ITGB4: variants seen among roughly 807,000 people sequenced by gnomAD.
ITGB4 encodes the protein integrin subunit beta 4, also known as integrin beta-4.
ITGB4 carries 159 observed loss-of-function variants against 207.6 expected under a neutral mutation model. That is an observed-to-expected ratio of 0.77 (90% CI 0.67 to 0.87). The LOEUF is 0.87. Ranked by LOEUF, ITGB4 falls within the 40% of genes least tolerant of loss-of-function variation. The pLI is 0.00. For synonymous variants in ITGB4, 1,020 were observed against 1,062.7 expected (o/e 0.96, Z 0.78); for missense variants, 2,278 against 2,546.8 (o/e 0.89, Z 2.27).
Position 75,733,693 on chromosome 17 carries a change from G to T in ITGB4, c.1657+1G>T. ...CGCACTTCCGGGTTCCTCTGCAATGGTGAGCACAACAACTGCGGCCAATGC... is the reference window on the plus strand; with the variant it reads ...CGCACTTCCGGGTTCCTCTGCAATGTTGAGCACAACAACTGCGGCCAATGC... On this transcript the variant is annotated splice_donor_variant, in intron 13 of 39. Coordinates refer to ENST00000200181, the MANE Select transcript of ITGB4 (RefSeq NM_000213.5). LOFTEE classifies it high-confidence loss of function. The T allele has an allele frequency of 6.2e-7, 1 of 1,613,866 alleles. No homozygotes were observed. Among genetic ancestry groups the T allele is most frequent in the Non-Finnish European group, 8.5e-7 (1 of 1,179,988 alleles).
rs1412461835 is a variant in ITGB4 at position 75,740,802 on chromosome 17, G to T, written c.2560G>T (p.Val854Phe). Reference sequence around the variant, plus strand: ...CTCCCTTGCCTGGCAGCTGAACGAGGTCTACAGGCAGATCTCCGGTGTACA... The same window carrying T: ...CTCCCTTGCCTGGCAGCTGAACGAGTTCTACAGGCAGATCTCCGGTGTACA... ...RQEVEENLNE[V>F]YRQISGVHKL... Residue 854 changes from valine to phenylalanine, a missense_variant, in exon 22 of 40, where the codon GTC becomes TTC. Physicochemically the swap from Val to Phe is conservative, Grantham distance 50. Transcript: ENST00000200181. This position sits in a 1 kb window ranked among gnomAD's most constrained non-coding sequence, Gnocchi z 5.9. The T allele has an allele frequency of 1.9e-6, 3 of 1,613,296 alleles. No individual in the cohort carries two copies. The highest frequency in any genetic ancestry group is 2.5e-6 in the Non-Finnish European group (3 of 1,179,976).
intron 27 of ITGB4, among the ~76,000 whole-genome samples, chr17:75,749,295 A>T (rs903278374): frequency 1.3e-5 from 2 of 152,190 alleles, no homozygotes; most frequent in African/African-American, 4.8e-5. Flanking sequence ...TGGGAGGCCA[A>T]GGTGGGAGGA....
chr17:75,744,088 C>T (rs1018019027), intron 26 of ITGB4, among the ~76,000 whole-genome samples: 3 of 150,838 alleles, frequency 2.0e-5, no homozygotes, highest in Admixed American at 2.0e-4. Flanking sequence ...CCATTGCTGC[C>T]AGGGACTCAG....
rs764990936 is a variant in ITGB4 at position 75,754,745 on chromosome 17, C to G, written c.4488C>G (p.Thr1496=). Residue 1496 remains threonine (T), a synonymous_variant, in exon 34 of 40, where the codon ACC becomes ACG. Coordinates refer to ENST00000200181, the MANE Select transcript of ITGB4 (RefSeq NM_000213.5). ...TCACACGGGACTACAACTCACTGACCCGCTCAGAACACTCACACTCGACCA... is the reference window on the plus strand; with the variant it reads ...TCACACGGGACTACAACTCACTGACGCGCTCAGAACACTCACACTCGACCA... ...STLTRDYNSL[T]RSEHSHSTTL... is the part of the protein sequence containing the mutation. 44 of 1,612,572 alleles carry G rather than the reference C, an allele frequency of 2.7e-5. No individual in the cohort carries two copies. The highest frequency in any genetic ancestry group is 3.3e-5 in the Admixed American group (2 of 59,850).
rs1187070458 is a variant in ITGB4, at chr17:75,722,870, G to T, written c.-11+1258G>T. On this transcript the variant is annotated intron_variant, in intron 1 of 39. Transcript: ENST00000200181. This position sits in a 1 kb window ranked among gnomAD's most constrained non-coding sequence, Gnocchi z 6.2. ...AGTCACACACTCCAGGGACCTGCTG[G>T]TACATAAAGTCGGGGCAGCCTGGTG... 6.6e-6 allele frequency among the ~76,000 whole-genome samples: 1 copy of T among 151,936 alleles called. No individual in the cohort carries two copies. Among genetic ancestry groups the T allele is most frequent in the African/African-American group, 2.4e-5 (1 of 41,370 alleles).
chr17:75,752,949 C>T (rs1246118304), intron 32 of ITGB4, among the ~76,000 whole-genome samples: 1 of 152,178 alleles, frequency 6.6e-6, no homozygotes, highest in Non-Finnish European at 1.5e-5. Flanking sequence ...GTAGGGGAGC[C>T]AAGGAGACAA....
At chr17:75,748,385 C>A (rs897384923) in intron 26 of ITGB4, among the ~76,000 whole-genome samples, 1 of 140,344 alleles carries the variant, frequency 7.1e-6, no homozygotes, top group African/African-American at 2.7e-5. Flanking sequence ...CAAACAGAAA[C>A]GTGGCTGGGC....
chr17:75,727,967 A>G lies in ITGB4; in HGVS notation c.469+112A>G, dbSNP rs1256128341. The G allele has an allele frequency of 1.1e-5, 11 of 970,374 alleles. No homozygotes were observed. Among genetic ancestry groups the G allele is most frequent in the Non-Finnish European group, 4.7e-6 (3 of 634,498 alleles). The allele number at this position is 970,374 out of a possible 1,614,324, so 60.1% of individuals were successfully genotyped here. ...ACCCACCCAGAAGGAAACACTGGAC[A>G]TTTGAGCCCCCAAAAACCTTCCCTT... On this transcript the variant is annotated intron_variant, in intron 5 of 39. Transcript: ENST00000200181. This position sits in a 1 kb window ranked among gnomAD's most constrained non-coding sequence, Gnocchi z 6.0.
At chr17:75,733,162 G>A (rs2060898809) in intron 12 of ITGB4, among the ~76,000 whole-genome samples, 1 of 151,932 alleles carries the variant, frequency 6.6e-6, no homozygotes, top group Non-Finnish European at 1.5e-5. Context: ...GCCGAGGTGG[G>A]CGGATCACAA....
chr17:75,732,161 A>C lies in ITGB4; in HGVS notation c.1378-2A>C. ...ACCCCACCATGGTCTCTCTCATTCC[A>C]GCAAAAAGAGGTGCGGTCAGCTCGC... On this transcript the variant is annotated splice_acceptor_variant, in intron 11 of 39. Coordinates refer to ENST00000200181, the MANE Select transcript of ITGB4 (RefSeq NM_000213.5). LOFTEE classifies it high-confidence loss of function. The surrounding 1 kb of genome is among the most constrained non-coding windows in gnomAD (Gnocchi z 5.3). The C allele has an allele frequency of 1.2e-6, 2 of 1,614,076 alleles. No individual in the cohort carries two copies. The highest frequency in any genetic ancestry group is 1.7e-6 in the Non-Finnish European group (2 of 1,180,018).
Position 75,722,657 on chromosome 17 carries a change from G to A in ITGB4, c.-11+1045G>A, listed in dbSNP as rs897106443. ...CCCTGAGGGGAGGAGATGTGACAGCGGGAGAGGATAGTGGACAGGAGCAGG... is the reference window on the plus strand; with the variant it reads ...CCCTGAGGGGAGGAGATGTGACAGCAGGAGAGGATAGTGGACAGGAGCAGG... On this transcript the variant is annotated intron_variant, in intron 1 of 39. Coordinates refer to ENST00000200181, the MANE Select transcript of ITGB4 (RefSeq NM_000213.5). This position sits in a 1 kb window ranked among gnomAD's most constrained non-coding sequence, Gnocchi z 6.2. Among the ~76,000 whole-genome samples the A allele has an allele frequency of 1.3e-5, 2 of 152,116 alleles. No individual in the cohort carries two copies. The highest frequency in any genetic ancestry group is 4.8e-5 in the African/African-American group (2 of 41,426).
In ITGB4 at chr17:75,731,074, G is replaced by A; in HGVS notation, c.1092+110G>A. ...ACGGTGGAGAAATGGGTCTGGGACA[G>A]ACCAGTGAGGAAGGGTCTCTAGCTA... is the stretch of plus-strand genomic sequence containing the variant. On this transcript the variant is annotated intron_variant, in intron 9 of 39. Transcript: ENST00000200181. This position sits in a 1 kb window ranked among gnomAD's most constrained non-coding sequence, Gnocchi z 6.8. 7.1e-7 allele frequency: 1 copy of A among 1,410,680 alleles called. No individual in the cohort carries two copies. The highest frequency in any genetic ancestry group is 1.8e-5 in the Admixed American group (1 of 56,544). 87.4% of individuals were successfully genotyped at this position (1,410,680 alleles called of 1,614,324 possible).
intron 23 of ITGB4, 103 bp downstream of exon 23, chr17:75,741,108 A>G: frequency 7.5e-7 from 1 of 1,328,022 alleles, no homozygotes; most frequent in Non-Finnish European, 1.1e-6. Flanking sequence ...ATCCCATAGG[A>G]AGGGAGGGTC....
chr17:75,730,450 G>T lies in ITGB4; in HGVS notation c.948G>T (p.Lys316Asn). 1 of 1,614,082 alleles carries T rather than the reference G, an allele frequency of 6.2e-7. No individual in the cohort carries two copies. The highest frequency in any genetic ancestry group is 2.2e-5 in the East Asian group (1 of 44,886). Residue 316 changes from lysine (K) to asparagine (N), a missense_variant, in exon 8 of 40, where the codon AAG becomes AAT. Physicochemically the swap from Lys to Asn is moderately conservative, Grantham distance 94. Coordinates refer to ENST00000200181, the MANE Select transcript of ITGB4 (RefSeq NM_000213.5). ...SVPTLVRLLA[K>N]HNIIPIFAVT... Reference sequence around the variant, plus strand: ...CCACCCTGGTGCGCCTGCTCGCCAAGCACAACATCATCCCCATCTTTGCTG... The same window carrying T: ...CCACCCTGGTGCGCCTGCTCGCCAATCACAACATCATCCCCATCTTTGCTG...
At chr17:75,725,045 C>A (rs2060690400) in intron 2 of ITGB4, among the ~76,000 whole-genome samples, 2 of 152,232 alleles carry the variant, frequency 1.3e-5, no homozygotes, top group African/African-American at 2.4e-5. Context: ...AGGACTGAGG[C>A]ACCCAGAGGA....
chr17:75,751,790 C>A, intron 30 of ITGB4: 1 of 313,460 alleles, frequency 3.2e-6, no homozygotes, highest in South Asian at 3.2e-5. Flanking sequence ...TATCTAGCAG[C>A]CCGAGATCAG....
intron 23 of ITGB4, among the ~76,000 whole-genome samples, chr17:75,741,386 G>A (rs1445892786): frequency 6.6e-6 from 1 of 152,156 alleles, no homozygotes. Flanking sequence ...GGATGGGCCA[G>A]CAGGTCACAC....
intron 34 of ITGB4, chr17:75,755,025 T>C (rs1266507430): frequency 6.3e-7 from 1 of 1,586,012 alleles, no homozygotes. Context: ...CACTCCCTGC[T>C]CCTCTCACTC....
rs1355775017 is a variant in ITGB4, at chr17:75,742,839, G to A, written c.2962+78G>A. On this transcript the variant is annotated intron_variant, in intron 25 of 39. Coordinates refer to ENST00000200181, the MANE Select transcript of ITGB4 (RefSeq NM_000213.5). The surrounding 1 kb of genome is among the most constrained non-coding windows in gnomAD (Gnocchi z 5.9). ...GTTCCTCCTGCTTAAGTGGAATTGC[G>A]ACCTGGCCACGTGGCCTGGGCTAGT... 5.0e-6 allele frequency: 7 copies of A among 1,401,724 alleles called. No individual in the cohort carries two copies. The highest frequency in any genetic ancestry group is 3.8e-5 in the South Asian group (3 of 79,560). 86.8% of individuals were successfully genotyped at this position (1,401,724 alleles called of 1,614,324 possible). A position where few individuals can be genotyped will look rare whatever the true frequency, so the allele number is the denominator to read the frequency against.
Sources: gnomAD v4.1 joint callset for allele counts (sites outside exome capture counted in the v4.1 genomes callset) on GRCh38, gnomAD v4.1.1 for gene constraint, Gnocchi (gnomAD v3.1) non-coding constraint, MANE v1.5 for transcripts, NCBI Gene and HGNC (gene_info 2026-07-23, HGNC 2026-07-21) for gene names.